Variants in CCDC178 observed in about 807,000 individuals in gnomAD.
The protein encoded by CCDC178 is coiled-coil domain-containing protein 178.
A neutral mutation model predicts 117.4 loss-of-function variants in CCDC178; 126 were observed. That is an observed-to-expected ratio of 1.07 (90% CI 0.93 to 1.24). CCDC178 has a LOEUF of 1.24. Ranked by LOEUF, CCDC178 falls within the 50% of genes most tolerant of loss-of-function variation. CCDC178 has a pLI of 0.00. For missense variants in CCDC178, 1,030 were observed against 986.9 expected (o/e 1.04, Z -0.59); for synonymous variants, 283 against 313.4 (o/e 0.90, Z 1.02).
intron 17 of CCDC178, among the ~76,000 whole-genome samples, chr18:33,223,775 T>G (rs544220207): frequency 1.2e-4 from 19 of 152,312 alleles, no homozygotes; most frequent in African/African-American, 4.1e-4. Context: ...ATTAATAAAT[T>G]TCCATCATTA....
intron 15 of CCDC178, among the ~76,000 whole-genome samples, chr18:33,239,235 T>C (rs961200024): frequency 1.3e-5 from 2 of 151,924 alleles, no homozygotes; most frequent in African/African-American, 4.8e-5. Flanking sequence ...TCAAACCTTA[T>C]TACTACAGAA....
At chr18:33,013,473 G>A (rs963298135) in intron 21 of CCDC178, among the ~76,000 whole-genome samples, 1 of 152,112 alleles carries the variant, frequency 6.6e-6, no homozygotes, top group Non-Finnish European at 1.5e-5. Flanking sequence ...TACTCAAAGT[G>A]GTGAACCATT....
chr18:33,365,646 T>C (rs1230114944), intron 6 of CCDC178, among the ~76,000 whole-genome samples: 1 of 152,098 alleles, frequency 6.6e-6, no homozygotes, highest in East Asian at 1.9e-4. Flanking sequence ...TTGTACAATA[T>C]ATTGTTAACA....
At chr18:33,348,508 C>T (rs1246857888) in intron 8 of CCDC178, among the ~76,000 whole-genome samples, 4 of 151,812 alleles carry the variant, frequency 2.6e-5, no homozygotes, top group Non-Finnish European at 5.9e-5. Context: ...AATTAAGTTC[C>T]TCAGTCTTAC....
At chr18:33,410,002 G>A (rs1259146531) in intron 3 of CCDC178, among the ~76,000 whole-genome samples, 1 of 152,144 alleles carries the variant, frequency 6.6e-6, no homozygotes, top group Non-Finnish European at 1.5e-5. Flanking sequence ...ATTAAATCAT[G>A]TGATATGTAG....
rs76613374 is a variant in CCDC178 at position 33,236,327 on chromosome 18, A to G, written c.1593+8918T>C. ...GGGTCATTACACAGGCAAAAATTACAAACTTGAATTACTATAAACCTGAAT... is the reference window on the plus strand; with the variant it reads ...GGGTCATTACACAGGCAAAAATTACGAACTTGAATTACTATAAACCTGAAT... On this transcript the variant is annotated intron_variant, in intron 15 of 22. Transcript: ENST00000383096. Among the ~76,000 whole-genome samples the G allele has an allele frequency of 8.0e-3, 1,212 of 152,340 alleles. 41 individuals are homozygous for G. In the East Asian group the frequency reaches 0.12, roughly 15 times the overall value.
intron 20 of CCDC178, among the ~76,000 whole-genome samples, chr18:33,136,352 T>C (rs2058125765): frequency 6.6e-6 from 1 of 152,184 alleles, no homozygotes; most frequent in Non-Finnish European, 1.5e-5. Context: ...AGAAGATGTC[T>C]ACCTCTGACT....
At chr18:33,187,717 T>C (rs1371096450) in intron 20 of CCDC178, among the ~76,000 whole-genome samples, 3 of 152,150 alleles carry the variant, frequency 2.0e-5, no homozygotes, top group East Asian at 1.9e-4. Context: ...ATTGCACTAA[T>C]GAGAGGTTCT....
intron 10 of CCDC178, 129 bp from the exon 11 acceptor site, chr18:33,323,762 T>C (rs2062549129): frequency 1.9e-6 from 1 of 523,458 alleles, no homozygotes; most frequent in South Asian, 8.0e-5. Flanking sequence ...ATTTAGCCTA[T>C]GGTTTGGTAA....
At chr18:33,426,372 G>T (rs556248355) in intron 2 of CCDC178, among the ~76,000 whole-genome samples, 40 of 152,296 alleles carry the variant, frequency 2.6e-4, no homozygotes, top group African/African-American at 7.2e-4. Flanking sequence ...AAGGCAATTT[G>T]CACCCTCAAG....
chr18:32,978,444 T>A (rs769680937), intron 21 of CCDC178, among the ~76,000 whole-genome samples: 3 of 152,214 alleles, frequency 2.0e-5, no homozygotes, highest in East Asian at 3.9e-4. Flanking sequence ...CAAATAGGTA[T>A]GACAACAATT....
At chr18:33,300,311 C>T (rs1224733375) in intron 11 of CCDC178, among the ~76,000 whole-genome samples, 2 of 152,134 alleles carry the variant, frequency 1.3e-5, no homozygotes, top group Non-Finnish European at 2.9e-5. Context: ...TTACAAATTA[C>T]CCAGTCTCAG....
chr18:33,026,873 T>C (rs2056240147), intron 21 of CCDC178, among the ~76,000 whole-genome samples: 1 of 151,920 alleles, frequency 6.6e-6, no homozygotes, highest in Non-Finnish European at 1.5e-5. Flanking sequence ...AAATAACTTC[T>C]GAGAGAACTC....
At chr18:33,280,542 T>C (rs1859506119) in intron 12 of CCDC178, among the ~76,000 whole-genome samples, 1 of 151,684 alleles carries the variant, frequency 6.6e-6, no homozygotes. Flanking sequence ...GAAGTCAGTG[T>C]GGCGATTCCT....
At chr18:33,219,591 C>T (rs1053654298) in intron 18 of CCDC178, among the ~76,000 whole-genome samples, 16 of 152,216 alleles carry the variant, frequency 1.1e-4, no homozygotes, top group African/African-American at 3.9e-4. Flanking sequence ...GAATACTATG[C>T]AGCCATAAAA....
intron 20 of CCDC178, among the ~76,000 whole-genome samples, chr18:33,136,265 C>T (rs768732641): frequency 1.8e-4 from 28 of 152,280 alleles, no homozygotes; most frequent in Non-Finnish European, 2.8e-4. Context: ...TTTCTCCCCA[C>T]GTACCTTGAA....
At chr18:32,974,783 A>G in intron 21 of CCDC178, 102 bp from the exon 22 acceptor site, 1 of 1,177,686 alleles carries the variant, frequency 8.5e-7, no homozygotes, top group Non-Finnish European at 1.2e-6. Context: ...AAAGCAGTCA[A>G]TAGCCCATTC....
rs1362514165 is a variant in CCDC178, at chr18:33,322,033, A to C, written c.1022+1458T>G. On this transcript the variant is annotated intron_variant, in intron 11 of 22. Transcript: ENST00000383096. ...ATGTTCCAAGAGTCAAAAAAGGTCA[A>C]TTCCTAATGATAAGGAGGTTAATTG... Among the ~76,000 whole-genome samples the C allele has an allele frequency of 2.0e-5, 3 of 151,998 alleles. No homozygotes were observed. The East Asian group carries it at 5.8e-4, about 29-fold the overall frequency.
intron 20 of CCDC178, among the ~76,000 whole-genome samples, chr18:33,198,397 C>A (rs1204201770): frequency 4.6e-5 from 7 of 152,114 alleles, no homozygotes; most frequent in Non-Finnish European, 1.0e-4. Flanking sequence ...AGGCTAAGAT[C>A]TATGCTTATG....
Sources: allele counts gnomAD v4.1 joint callset (sites outside exome capture counted in the v4.1 genomes callset), GRCh38; gene constraint gnomAD v4.1.1; transcripts MANE v1.5; gene names NCBI Gene and HGNC (gene_info 2026-07-23, HGNC 2026-07-21).